The following NF1 variants were observed in gnomAD, a reference collection of about 807,000 sequenced individuals.
NF1 encodes the protein neurofibromin.
NF1 carries 122 observed loss-of-function variants against 325.7 expected under a neutral mutation model. The ratio of observed to expected loss-of-function variants is 0.37; its 90% confidence interval spans 0.32 to 0.44. The LOEUF is 0.44. NF1 is among the 20% of genes least tolerant of loss of function. The probability of loss-of-function intolerance (pLI) is 1.00; values close to 1 mark genes in which losing one functional copy is unlikely to be tolerated. For synonymous variants in NF1, 1,091 were observed against 1,186.0 expected (o/e 0.92, Z 1.65); for missense variants, 2,140 against 3,415.4 (o/e 0.63, Z 9.31).
At chr17:31,177,307 A>G (rs181071730) in intron 5 of NF1, among the ~76,000 whole-genome samples, 26 of 152,296 alleles carry the variant, frequency 1.7e-4, no homozygotes, top group East Asian at 1.5e-3. Context: ...AGCAAACTCC[A>G]GCAGACCTGC....
intron 1 of NF1, among the ~76,000 whole-genome samples, chr17:31,130,074 G>GTTTTTTTTTTT (rs201697638): frequency 5.4e-5 from 7 of 129,352 alleles, no homozygotes; most frequent in Middle Eastern, 4.4e-3. Flanking sequence ...TGAAGTCGCT[G>GTTTTTTTTTTT]TTTTTTTTTG....
At chr17:31,142,876 A>T (rs535490802) in intron 1 of NF1, among the ~76,000 whole-genome samples, 1 of 152,192 alleles carries the variant, frequency 6.6e-6, no homozygotes, top group East Asian at 1.9e-4. Context: ...CAAAAAAAAA[A>T]AAAAATTATT....
In NF1 at chr17:31,258,057, G is replaced by A. The variant is rs111911700; in HGVS notation, c.4174-287G>A. Among the ~76,000 whole-genome samples, 1,288 of 152,200 alleles carry A rather than the reference G, an allele frequency of 8.5e-3. 25 individuals are homozygous for A. Among genetic ancestry groups the A allele is most frequent in the African/African-American group, 0.03 (1,229 of 41,530 alleles). On this transcript the variant is annotated intron_variant, in intron 31 of 57. Coordinates refer to ENST00000358273, the MANE Select transcript of NF1 (RefSeq NM_001042492.3). ...ATTACTCATCAAACATGCAGTATAAGTGATGATACAGTGAAGATCTTTTTT... is the reference window on the plus strand; with the variant it reads ...ATTACTCATCAAACATGCAGTATAAATGATGATACAGTGAAGATCTTTTTT...
chr17:31,169,904 A>G lies in NF1; in HGVS notation c.493A>G (p.Thr165Ala), dbSNP rs786203186. The G allele has an allele frequency of 6.2e-7, 1 of 1,609,766 alleles. No homozygotes were observed. Among genetic ancestry groups the G allele is most frequent in the Non-Finnish European group, 8.5e-7 (1 of 1,176,780 alleles). The change falls in exon 5 of 58, where the codon ACT becomes GCT. Residue 165 changes from threonine to alanine, a missense_variant. By Grantham distance (58) the Thr-to-Ala change is moderately conservative. This residue lies in a region of NF1 where 246 missense variants were observed against 347.8 expected (regional missense o/e 0.71). Coordinates refer to ENST00000358273, the MANE Select transcript of NF1 (RefSeq NM_001042492.3). ...TTTACTTTTTAGGTTACAGGAATTA[A>G]CTGTTTGTTCAGAAGACAATGTTGA... ...SRISTRLQEL[T>A]VCSEDNVDVH... is the part of the protein sequence containing the mutation.
intron 50 of NF1, 38 bp from the exon 51 acceptor site, chr17:31,352,219 A>G (rs764565367): frequency 5.7e-6 from 9 of 1,589,310 alleles, no homozygotes; most frequent in Non-Finnish European, 6.9e-6. Flanking sequence ...ATTTGTCACC[A>G]TATTAATTGA....
intron 30 of NF1, chr17:31,250,123 A>C (rs972928409): frequency 4.7e-6 from 2 of 422,894 alleles, no homozygotes; most frequent in African/African-American, 4.0e-5. Context: ...AAAGCTTTTC[A>C]CGGTATACAT....
At chr17:31,236,055 T>TTA (rs1555615574) in intron 29 of NF1, 34 bp downstream of exon 29, 1 of 1,152,936 alleles carries the variant, frequency 8.7e-7, no homozygotes, top group African/African-American at 5.3e-5. Flanking sequence ...CCGCTGTTTT[T>TTA]TGTTTTTTTT....
chr17:31,335,387 A>T (rs2151551971), intron 40 of NF1, among the ~76,000 whole-genome samples: 1 of 145,958 alleles, frequency 6.9e-6, no homozygotes, highest in South Asian at 2.1e-4. Flanking sequence ...CTAGTGCTTT[A>T]TTCTAGTTCT....
chr17:31,334,753 A>AT, intron 39 of NF1, 85 bp from the exon 40 acceptor site: 13 of 1,146,052 alleles, frequency 1.1e-5, no homozygotes, highest in Non-Finnish European at 1.7e-5. Context: ...ACCTTTTACC[A>AT]TTTTTTCCCC....
rs532337091 is a variant in NF1 at position 31,336,608 on chromosome 17, A to T, written c.6148-27A>T. 3.9e-4 allele frequency: 555 copies of T among 1,408,836 alleles called. No homozygotes were observed. Among genetic ancestry groups the T allele is most frequent in the African/African-American group, 2.2e-3 (84 of 37,740 alleles). 87.3% of individuals were successfully genotyped at this position (1,408,836 alleles called of 1,614,324 possible). A position where few individuals can be genotyped will look rare whatever the true frequency, so the allele number is the denominator to read the frequency against. On this transcript the variant is annotated intron_variant, in intron 41 of 57. Coordinates refer to ENST00000358273, the MANE Select transcript of NF1 (RefSeq NM_001042492.3). This position sits in a 1 kb window ranked among gnomAD's most constrained non-coding sequence, Gnocchi z 5.5. The stretch of plus-strand genomic sequence containing the variant: ...CTTTGAGTCCCATGTTTTTTTTTTT[A>T]AAAAAAAAAATCCTGCTTCTTTACA...
intron 36 of NF1, chr17:31,305,556 T>C (rs777889615): frequency 1.2e-6 from 2 of 1,614,182 alleles, no homozygotes; most frequent in East Asian, 2.2e-5. Flanking sequence ...TTGAAAAAAA[T>C]GTATTGTTCA....
At chr17:31,220,583 A>G (rs2905795) in intron 14 of NF1, among the ~76,000 whole-genome samples, 86,641 of 151,950 alleles carry the variant, frequency 0.57, 27,148 homozygotes, top group Middle Eastern at 0.8. Context: ...TGAGAATGCT[A>G]TTTTAACTTG....
At chr17:31,172,068 G>A (rs951609270) in intron 5 of NF1, among the ~76,000 whole-genome samples, 1 of 152,148 alleles carries the variant, frequency 6.6e-6, no homozygotes, top group African/African-American at 2.4e-5. Context: ...TAAAAATATG[G>A]CCAGGCCTGG....
chr17:31,174,075 T>G (rs1461172782), intron 5 of NF1, among the ~76,000 whole-genome samples: 1 of 152,200 alleles, frequency 6.6e-6, no homozygotes, highest in African/African-American at 2.4e-5. Context: ...CCTTTATCCC[T>G]TCATTAAAAG....
chr17:31,258,936 A>G, intron 32 of NF1, 96 bp from the exon 33 acceptor site: 1 of 805,520 alleles, frequency 1.2e-6, no homozygotes, highest in Non-Finnish European at 2.0e-6. Flanking sequence ...CAGAAATTAT[A>G]TCAATGAGAA....
intron 34 of NF1, among the ~76,000 whole-genome samples, chr17:31,261,129 G>A (rs2067678967): frequency 6.6e-6 from 1 of 151,860 alleles, no homozygotes; most frequent in African/African-American, 2.4e-5. Flanking sequence ...TGTAATCCCA[G>A]CTACTCGGGA....
intron 37 of NF1, 54 bp from the exon 38 acceptor site, chr17:31,327,445 T>C: frequency 7.1e-7 from 1 of 1,418,430 alleles, no homozygotes; most frequent in East Asian, 2.3e-5. Context: ...TTTAGAATTT[T>C]ATGTAAAAGA....
chr17:31,304,564 C>T (rs1216718214), intron 36 of NF1: 1 of 1,614,008 alleles, frequency 6.2e-7, no homozygotes, highest in East Asian at 2.2e-5. Flanking sequence ...ACTTTCCTGT[C>T]CTTCCAAATC....
chr17:31,135,765 G>A (rs963001143), intron 1 of NF1, among the ~76,000 whole-genome samples: 1 of 151,524 alleles, frequency 6.6e-6, no homozygotes. Flanking sequence ...TGTAGGGACA[G>A]CATCTTACTG....
Sources: allele counts gnomAD v4.1 joint callset (sites outside exome capture counted in the v4.1 genomes callset), GRCh38; gene constraint gnomAD v4.1.1; regional missense constraint gnomAD v4.1.1; non-coding constraint Gnocchi (gnomAD v3.1); transcripts MANE v1.5; gene names NCBI Gene and HGNC (gene_info 2026-07-23, HGNC 2026-07-21).